The following GABRG2 variants were observed in gnomAD, a reference collection of about 807,000 sequenced individuals.
GABRG2 encodes the protein gamma-aminobutyric acid type A receptor subunit gamma2, also known as gamma-aminobutyric acid receptor subunit gamma-2.
Under a neutral mutation model 56.4 loss-of-function variants are expected in GABRG2, and 16 were observed. The ratio of observed to expected loss-of-function variants is 0.28; its 90% confidence interval spans 0.19 to 0.43. The LOEUF is 0.43. Ranked by LOEUF, GABRG2 falls within the 20% of genes least tolerant of loss-of-function variation. The pLI, the probability that GABRG2 is intolerant of heterozygous loss-of-function variation, is 1.00. For missense variants in GABRG2, 327 were observed against 582.7 expected (o/e 0.56, Z 4.52); for synonymous variants, 208 against 205.5 (o/e 1.01, Z -0.10).
chr5:162,116,230 C>G (rs917889763), intron 6 of GABRG2, among the ~76,000 whole-genome samples: 13 of 147,928 alleles, frequency 8.8e-5, no homozygotes, highest in African/African-American at 3.2e-4. Context: ...ATCTATCCAT[C>G]TACCAATCTA....
chr5:162,134,982 A>G (rs748258529), intron 6 of GABRG2, among the ~76,000 whole-genome samples: 22 of 152,322 alleles, frequency 1.4e-4, no homozygotes, highest in Non-Finnish European at 2.9e-4. Flanking sequence ...TTTTAAAATT[A>G]TATTTCCCTC....
intron 6 of GABRG2, among the ~76,000 whole-genome samples, chr5:162,125,797 G>C (rs539638749): frequency 2.6e-5 from 4 of 151,722 alleles, no homozygotes; most frequent in Non-Finnish European, 4.4e-5. Context: ...GAGGGGATGA[G>C]GGAAGGTTAT....
At chr5:162,111,102 C>A (rs1220511708) in intron 6 of GABRG2, among the ~76,000 whole-genome samples, 1 of 152,046 alleles carries the variant, frequency 6.6e-6, no homozygotes, top group African/African-American at 2.4e-5. Flanking sequence ...AATCTAAGAG[C>A]CACTTTCTTT....
intron 6 of GABRG2, among the ~76,000 whole-genome samples, chr5:162,130,417 G>A (rs542133454): frequency 1.9e-4 from 29 of 151,902 alleles, no homozygotes; most frequent in African/African-American, 6.8e-4. Context: ...CATTTTAGAA[G>A]GCTTGGTATT....
rs1315275728 is a variant in GABRG2 at position 162,097,337 on chromosome 5, G to T, written c.328-301G>T. Among the ~76,000 whole-genome samples, 8 of 152,096 alleles carry T rather than the reference G, an allele frequency of 5.3e-5. No individual in the cohort carries two copies. In the East Asian group the frequency reaches 1.4e-3, roughly 26 times the overall value. ...AGCCCTCATGGCAAGAAACTAGCTG[G>T]CTCAAAACAACACAATGCTCTGCTC... On this transcript the variant is annotated intron_variant, in intron 3 of 9. Coordinates refer to ENST00000639213, the MANE Select transcript of GABRG2 (RefSeq NM_198904.4).
chr5:162,104,108 A>G (rs1761633869), intron 6 of GABRG2, 82 bp downstream of exon 6: 1 of 1,223,620 alleles, frequency 8.2e-7, no homozygotes, highest in South Asian at 1.2e-5. Context: ...ATTTTTCAAT[A>G]CCTCTCAATG....
chr5:162,097,028 G>A (rs765723781), intron 3 of GABRG2, among the ~76,000 whole-genome samples: 3 of 151,946 alleles, frequency 2.0e-5, no homozygotes, highest in Admixed American at 6.6e-5. Flanking sequence ...ATCCTAACAC[G>A]GCCTACCCAG....
intron 4 of GABRG2, chr5:162,098,504 C>G (rs1581352537): frequency 6.6e-6 from 1 of 152,596 alleles, no homozygotes; most frequent in Non-Finnish European, 1.5e-5. Context: ...GCACTTCATA[C>G]TTTGCATTTA....
chr5:162,150,012 A>G (rs1015308778), intron 8 of GABRG2: 1 of 173,744 alleles, frequency 5.8e-6, no homozygotes. Context: ...AAGGCTGACT[A>G]CATTTTTGCA....
chr5:162,119,364 C>G (rs1762832821), intron 6 of GABRG2, among the ~76,000 whole-genome samples: 1 of 152,098 alleles, frequency 6.6e-6, no homozygotes, highest in African/African-American at 2.4e-5. Context: ...TTCAAGAGTT[C>G]ATAGTTACCC....
chr5:162,100,420 A>G (rs1431915307), intron 4 of GABRG2: 1 of 152,134 alleles, frequency 6.6e-6, no homozygotes, highest in Non-Finnish European at 1.5e-5. Flanking sequence ...AAAATCATCA[A>G]CCCATTACCA....
chr5:162,094,520 TC>T (rs1205138601), intron 2 of GABRG2: 1 of 159,822 alleles, frequency 6.3e-6, no homozygotes, highest in Non-Finnish European at 1.4e-5. Context: ...ACAACCCTTC[TC>T]ACAGTGGTAG....
intron 6 of GABRG2, among the ~76,000 whole-genome samples, chr5:162,106,442 G>C (rs210991): frequency 0.8 from 122,382 of 152,090 alleles, 49,356 homozygotes; most frequent in Admixed American, 0.85. Flanking sequence ...CGAAAGGCAG[G>C]CTGATTTCTG....
chr5:162,092,204 T>G (rs970605651), intron 1 of GABRG2, among the ~76,000 whole-genome samples: 13 of 152,166 alleles, frequency 8.5e-5, no homozygotes, highest in African/African-American at 3.1e-4. Flanking sequence ...GGCCTCTGCT[T>G]GCGTGGAGGC....
At position 162,120,365 on chromosome 5, in the gene GABRG2, A is replaced by G. The variant is rs1171473106; in HGVS notation, c.769+16339A>G. Among the ~76,000 whole-genome samples, 7 of 152,106 alleles carry G rather than the reference A, an allele frequency of 4.6e-5. No homozygotes were observed. The East Asian group carries it at 5.8e-4, about 13-fold the overall frequency. On this transcript the variant is annotated intron_variant, in intron 6 of 9. Transcript: ENST00000639213. ...TTTCTGAGGCCTAGGAGAATATAAT[A>G]TAATAGATCACACTCAAAGGGAATA... is the stretch of plus-strand genomic sequence containing the variant.
intron 6 of GABRG2, among the ~76,000 whole-genome samples, chr5:162,128,566 G>T (rs1414909960): frequency 6.6e-6 from 1 of 151,964 alleles, no homozygotes; most frequent in Non-Finnish European, 1.5e-5. Context: ...TCAGCAGGCA[G>T]ATAATAAATA....
In GABRG2 at chr5:162,094,335, T is replaced by C. The variant is rs117006749; in HGVS notation, c.259+356T>C. On this transcript the variant is annotated intron_variant, in intron 2 of 9. Transcript: ENST00000639213. Reference sequence around the variant, plus strand: ...GTAAAGAGAGGATATATTGTTTGCCTGTTTTTGTGTAACAAACAACCAGAA... The same window carrying C: ...GTAAAGAGAGGATATATTGTTTGCCCGTTTTTGTGTAACAAACAACCAGAA... The C allele has an allele frequency of 1.2e-3, 354 of 291,126 alleles. 7 individuals carry two copies. In the East Asian group the frequency reaches 0.029, roughly 24 times the overall value. 18.0% of individuals were successfully genotyped at this position (291,126 alleles called of 1,614,324 possible).
chr5:162,148,842 A>G lies in GABRG2; in HGVS notation c.923-266A>G, dbSNP rs1231493449. Among the ~76,000 whole-genome samples the G allele has an allele frequency of 2.0e-5, 3 of 152,202 alleles. No individual in the cohort carries two copies. In the East Asian group the frequency reaches 5.8e-4, roughly 29 times the overall value. On this transcript the variant is annotated intron_variant, in intron 7 of 9. Transcript: ENST00000639213. The stretch of plus-strand genomic sequence containing the variant: ...TAACATTATACTTTTCTCTGCTGAC[A>G]TGATTCACAGTATATCTCTCTCACT...
chr5:162,118,171 A>T (rs927012440), intron 6 of GABRG2, among the ~76,000 whole-genome samples: 1 of 151,464 alleles, frequency 6.6e-6, no homozygotes, highest in Non-Finnish European at 1.5e-5. Flanking sequence ...GGAAAAAAAA[A>T]CCCAAACTAT....
Sources: gnomAD v4.1 joint callset for allele counts (sites outside exome capture counted in the v4.1 genomes callset) on GRCh38, gnomAD v4.1.1 for gene constraint, MANE v1.5 for transcripts, NCBI Gene and HGNC (gene_info 2026-07-23, HGNC 2026-07-21) for gene names.